Variants in GNLY observed in about 807,000 individuals in gnomAD.
The protein encoded by GNLY is T-cell activation protein 519.
Under a neutral mutation model 18.5 loss-of-function variants are expected in GNLY, and 15 were observed. The ratio of observed to expected loss-of-function variants is 0.81; its 90% confidence interval spans 0.54 to 1.25. GNLY has a LOEUF of 1.25. GNLY is among the 50% of genes most tolerant of loss of function. The pLI is 0.00. For synonymous variants in GNLY, 77 were observed against 74.9 expected (o/e 1.03, Z -0.14); for missense variants, 178 against 186.9 (o/e 0.95, Z 0.28).
intron 1 of GNLY, chr2:85,694,983 C>A (rs779175487): frequency 6.3e-7 from 1 of 1,592,028 alleles, no homozygotes; most frequent in Non-Finnish European, 8.5e-7. Flanking sequence ...TTGGCTGGGC[C>A]ATCTGGATGG....
At chr2:85,694,597 G>A (rs772556254) in intron 1 of GNLY, 127 bp downstream of exon 1, 50 of 982,026 alleles carry the variant, frequency 5.1e-5, no homozygotes, top group South Asian at 3.0e-4. Context: ...CTTCTCCCCC[G>A]TCATGGAGGC....
In GNLY at chr2:85,695,427, C is replaced by A; in HGVS notation, c.156+4C>A. 3 of 1,551,950 alleles carry A rather than the reference C, an allele frequency of 1.9e-6. No individual in the cohort carries two copies. Among genetic ancestry groups the A allele is most frequent in the Non-Finnish European group, 2.7e-6 (3 of 1,123,816 alleles). On this transcript the variant is annotated splice_donor_region_variant and intron_variant, in intron 2 of 4. Coordinates refer to ENST00000263863, the MANE Select transcript of GNLY (RefSeq NM_006433.5). ...CCTGGCCCAGGAGGGCCCCCAGGTA[C>A]GTGTTGGCTCTCTGCTCACCTGCCA...
At chr2:85,697,356 C>A in intron 3 of GNLY, 150 bp from the exon 4 acceptor site, 1 of 680,608 alleles carries the variant, frequency 1.5e-6, no homozygotes, top group Non-Finnish European at 2.5e-6. Flanking sequence ...GGGGCTGAGC[C>A]CCGTCTGTAC....
intron 4 of GNLY, 82 bp downstream of exon 4, chr2:85,697,759 C>A (rs1678519346): frequency 2.3e-6 from 2 of 884,170 alleles, no homozygotes; most frequent in Non-Finnish European, 3.6e-6. Context: ...TGCCTCCTTA[C>A]TCCCCCATCT....
intron 1 of GNLY, 189 bp from the exon 2 acceptor site, chr2:85,695,131 C>T (rs1027067362): frequency 3.1e-5 from 29 of 949,114 alleles, no homozygotes; most frequent in Admixed American, 1.3e-4. Context: ...AACGTGAGAA[C>T]ACGTGTTTGT....
rs1167153187 is a variant in GNLY, at chr2:85,697,587, A to C, written c.337A>C (p.Arg113=). The C allele has an allele frequency of 6.2e-7, 1 of 1,613,082 alleles. No individual in the cohort carries two copies. Among genetic ancestry groups the C allele is most frequent in the Admixed American group, 1.7e-5 (1 of 60,026 alleles). The change falls in exon 4 of 5, where the codon AGG becomes CGG. Residue 113 remains arginine, a synonymous_variant. Coordinates refer to ENST00000263863, the MANE Select transcript of GNLY (RefSeq NM_006433.5). ...CGACGTCTGCAGAAATTTCATGAGG[A>C]GGTATCAGTCTAGAGTTACCCAGGG... ...WRDVCRNFMR[R]YQSRVTQGLV...
chr2:85,694,809 T>C (rs1393281860), intron 1 of GNLY: 1 of 1,456,434 alleles, frequency 6.9e-7, no homozygotes, highest in African/African-American at 1.4e-5. Context: ...TGGATCTGCG[T>C]TTCCTCGGGC....
Position 85,698,657 on chromosome 2 carries a change from G to C in GNLY, c.*83G>C. The C allele has an allele frequency of 1.2e-6, 2 of 1,610,830 alleles. No individual in the cohort carries two copies. The highest frequency in any genetic ancestry group is 2.7e-5 in the African/African-American group (2 of 74,968). ...CCTCAGCAACCTCTGCCGGCTCCTC[G>C]CTTCCTCGATCCAGAATCCACTCTC... On this transcript the variant is annotated 3_prime_UTR_variant, in exon 5 of 5. Coordinates refer to ENST00000263863, the MANE Select transcript of GNLY (RefSeq NM_006433.5).
chr2:85,696,327 A>C, intron 3 of GNLY: 1 of 400,852 alleles, frequency 2.5e-6, no homozygotes. Flanking sequence ...CAGAGAAGTT[A>C]GGAATCTTCC....
intron 1 of GNLY, chr2:85,694,899 A>AC (rs1425126084): frequency 1.3e-6 from 2 of 1,554,684 alleles, no homozygotes; most frequent in Non-Finnish European, 1.7e-6. Flanking sequence ...TGCCCCCTGC[A>AC]CCCTGCTCTC....
chr2:85,694,593 C>T, intron 1 of GNLY, 123 bp downstream of exon 1: 1 of 1,034,122 alleles, frequency 9.7e-7, no homozygotes, highest in Non-Finnish European at 1.4e-6. Flanking sequence ...CGGCCTTCTC[C>T]CCCGTCATGG....
chr2:85,695,649 C>T (rs1314213628), intron 2 of GNLY, among the ~76,000 whole-genome samples: 1 of 152,180 alleles, frequency 6.6e-6, no homozygotes, highest in East Asian at 1.9e-4. Context: ...CTCCAAGGAG[C>T]CTGGGGCTGC....
chr2:85,695,345 T>C lies in GNLY; in HGVS notation c.78T>C (p.Pro26=), dbSNP rs6732835. 2.5e-3 allele frequency: 4,071 copies of C among 1,613,226 alleles called. 86 individuals are homozygous for C. The African/African-American group carries it at 0.048, about 19-fold the overall frequency. ...NPGLVFSRLS[P]EYYDLARAHL... ...GTCTGGTCTTCTCTCGTCTGAGCCCTGAGTACTACGACCTGGCAAGAGCCC... is the reference window on the plus strand; with the variant it reads ...GTCTGGTCTTCTCTCGTCTGAGCCCCGAGTACTACGACCTGGCAAGAGCCC... Residue 26 remains proline, a synonymous_variant, in exon 2 of 5, where the codon CCT becomes CCC. Coordinates refer to ENST00000263863, the MANE Select transcript of GNLY (RefSeq NM_006433.5).
chr2:85,694,481 C>T lies in GNLY; in HGVS notation c.52+11C>T. On this transcript the variant is annotated intron_variant, in intron 1 of 4. Transcript: ENST00000263863. ...TCCTGGGCAACCCAGGTAAGGCCTT[C>T]CCCTCGGGATCGATCCTGATGGCCC... is the stretch of plus-strand genomic sequence containing the variant. The T allele has an allele frequency of 6.2e-7, 1 of 1,613,300 alleles. No homozygotes were observed. The highest frequency in any genetic ancestry group is 8.5e-7 in the Non-Finnish European group (1 of 1,179,304).
In GNLY at chr2:85,696,053, C is replaced by T. The variant is rs1429083925; in HGVS notation, c.252C>T (p.Thr84=). 1.3e-6 allele frequency: 2 copies of T among 1,555,992 alleles called. No homozygotes were observed. The highest frequency in any genetic ancestry group is 1.8e-6 in the Non-Finnish European group (2 of 1,128,542). ...QKLKKMVDKP[T]QRSVSNAATR... ...TGAAGAAGATGGTGGATAAGCCCAC[C>T]CAGGTGAGGCCAAGGGGCTACAGAG... is the stretch of plus-strand genomic sequence containing the variant. The change falls in exon 3 of 5, where the codon ACC becomes ACT. Residue 84 remains threonine, a synonymous_variant. Transcript: ENST00000263863.
rs548624046 is a variant in GNLY at position 85,696,156 on chromosome 2, G to A, written c.255+100G>A. On this transcript the variant is annotated intron_variant, in intron 3 of 4. Coordinates refer to ENST00000263863, the MANE Select transcript of GNLY (RefSeq NM_006433.5). ...GGGGAGCCCGGGGGCACCTTGCACA[G>A]TGATCCTGGGGGAGGGCTTCCTAGA... The A allele has an allele frequency of 3.3e-5, 22 of 657,640 alleles. No homozygotes were observed. In the African/African-American group the frequency reaches 3.4e-4, roughly 10 times the overall value. 40.7% of individuals were successfully genotyped at this position (657,640 alleles called of 1,614,324 possible). A position where few individuals can be genotyped will look rare whatever the true frequency, so the allele number is the denominator to read the frequency against.
chr2:85,695,896 G>C (rs1175148413), intron 2 of GNLY, 62 bp from the exon 3 acceptor site: 2 of 909,850 alleles, frequency 2.2e-6, no homozygotes, highest in East Asian at 4.9e-5. Context: ...CCCTTTCCTG[G>C]GCACTTTCAC....
chr2:85,697,394 C>A, intron 3 of GNLY, 112 bp from the exon 4 acceptor site: 1 of 927,520 alleles, frequency 1.1e-6, no homozygotes, highest in Non-Finnish European at 1.7e-6. Context: ...GCACCAGGTG[C>A]CAGCTCCTCG....
chr2:85,695,176 C>A, intron 1 of GNLY, 144 bp from the exon 2 acceptor site: 1 of 817,338 alleles, frequency 1.2e-6, no homozygotes, highest in Non-Finnish European at 2.0e-6. Context: ...CAGGGCAAAG[C>A]ATGTGGACAG....
Sources: allele counts gnomAD v4.1 joint callset (sites outside exome capture counted in the v4.1 genomes callset), GRCh38; gene constraint gnomAD v4.1.1; transcripts MANE v1.5; gene names NCBI Gene and HGNC (gene_info 2026-07-23, HGNC 2026-07-21).